The following BCL2A1 variants were observed in gnomAD, a reference collection of about 807,000 sequenced individuals.
The protein encoded by BCL2A1 is bcl-2-related protein A1.
A neutral mutation model predicts 14.4 loss-of-function variants in BCL2A1; 10 were observed. The ratio of observed to expected loss-of-function variants is 0.69; its 90% CI spans 0.43 to 1.18. The LOEUF (loss-of-function observed/expected upper bound fraction) is 1.18. BCL2A1 is among the 50% of genes most tolerant of loss of function. The pLI is 0.00. For missense variants in BCL2A1, 158 were observed against 205.0 expected (o/e 0.77, Z 1.40); for synonymous variants, 71 against 76.5 (o/e 0.93, Z 0.38).
intron 1 of BCL2A1, among the ~76,000 whole-genome samples, chr15:79,962,269 G>C (rs1483705912): frequency 6.6e-6 from 1 of 152,136 alleles, no homozygotes; most frequent in East Asian, 1.9e-4. Context: ...AGCATCACTG[G>C]CAAAGCAGAT....
chr15:79,963,299 T>C (rs2035508396), intron 1 of BCL2A1, among the ~76,000 whole-genome samples: 1 of 152,140 alleles, frequency 6.6e-6, no homozygotes, highest in Non-Finnish European at 1.5e-5. Flanking sequence ...AAAATTTTTT[T>C]AAACTATGAA....
chr15:79,969,083 T>C (rs547413466), intron 1 of BCL2A1, among the ~76,000 whole-genome samples: 2 of 151,806 alleles, frequency 1.3e-5, no homozygotes, highest in African/African-American at 4.8e-5. Context: ...AGTTAATATA[T>C]GAAAAGATGC....
Position 79,960,938 on chromosome 15 carries a change from C to G in BCL2A1, c.*129G>C, listed in dbSNP as rs2035484452. 1.4e-6 allele frequency: 2 copies of G among 1,436,444 alleles called. No individual in the cohort carries two copies. The highest frequency in any genetic ancestry group is 1.9e-6 in the Non-Finnish European group (2 of 1,045,550). The allele number at this position is 1,436,444 out of a possible 1,614,324, so 89.0% of individuals were successfully genotyped here. A position where few individuals can be genotyped will look rare whatever the true frequency, so the allele number is the denominator to read the frequency against. ...TATTCATTACATGGGGACAAAATTT[C>G]CATAACTCTGGAAGGTCAAGTTACA... On this transcript the variant is annotated 3_prime_UTR_variant, in exon 2 of 2. Coordinates refer to ENST00000267953, the MANE Select transcript of BCL2A1 (RefSeq NM_004049.4).
chr15:79,971,005 T>G lies in BCL2A1; in HGVS notation c.115A>C (p.Asn39His). ...GPSKTSRVLQ[N>H]VAFSVQKEVE... is the part of the protein sequence containing the mutation. ...TCTTTTTGGACTGAGAACGCAACATTTTGTAGCACTCTGGACGTTTTGCTT... is the reference window on the plus strand; with the variant it reads ...TCTTTTTGGACTGAGAACGCAACATGTTGTAGCACTCTGGACGTTTTGCTT... Residue 39 changes from asparagine to histidine, a missense_variant, in exon 1 of 2, where the codon AAT becomes CAT. By Grantham distance (68) the Asn-to-His change is moderately conservative. Transcript: ENST00000267953. 6.2e-7 allele frequency: 1 copy of G among 1,614,218 alleles called. No homozygotes were observed. Among genetic ancestry groups the G allele is most frequent in the South Asian group, 1.1e-5 (1 of 91,088 alleles).
At chr15:79,962,322 A>T (rs1230031445) in intron 1 of BCL2A1, among the ~76,000 whole-genome samples, 1 of 152,180 alleles carries the variant, frequency 6.6e-6, no homozygotes, top group African/African-American at 2.4e-5. Flanking sequence ...AGACTGCCTA[A>T]GAAAGCCATT....
In BCL2A1 at chr15:79,970,765, A is replaced by C. The variant is rs150435550; in HGVS notation, c.355T>G (p.Ser119Ala). The C allele has an allele frequency of 1.5e-4, 236 of 1,614,080 alleles. 1 individual carries two copies. Among genetic ancestry groups the C allele is most frequent in the Non-Finnish European group, 1.9e-4 (224 of 1,180,030 alleles). The change falls in exon 1 of 2, where the codon TCA becomes GCA. Residue 119 changes from serine (S) to alanine (A), a missense_variant. Transcript: ENST00000267953. ...APDVDTYKEI[S>A]YFVAEFIMNN... The stretch of plus-strand genomic sequence containing the variant: ...ATTATGAACTCCGCAACAAAATATG[A>C]AATCTCCTTATAGGTATCCACATCC...
chr15:79,968,734 C>A (rs28393756), intron 1 of BCL2A1, among the ~76,000 whole-genome samples: 4,472 of 152,296 alleles, frequency 0.029, 227 homozygotes, highest in African/African-American at 0.1. Context: ...AGTTCGAGAC[C>A]AGCCTGACTA....
At chr15:79,965,895 T>C (rs911373937) in intron 1 of BCL2A1, among the ~76,000 whole-genome samples, 14 of 151,892 alleles carry the variant, frequency 9.2e-5, no homozygotes, top group Admixed American at 3.9e-4. Flanking sequence ...TATACATGTC[T>C]CTGTGTGCCC....
Position 79,970,994 on chromosome 15 carries a change from G to A in BCL2A1, c.126C>T (p.Phe42=), listed in dbSNP as rs2035588086. The change falls in exon 1 of 2, where the codon TTC becomes TTT. Residue 42 remains phenylalanine (F), a synonymous_variant. Transcript: ENST00000267953. ...KTSRVLQNVA[F]SVQKEVEKNL... is the part of the protein sequence containing the mutation. The stretch of plus-strand genomic sequence containing the variant: ...TCTTTTCCACTTCTTTTTGGACTGA[G>A]AACGCAACATTTTGTAGCACTCTGG... 6.2e-7 allele frequency: 1 copy of A among 1,614,088 alleles called. No homozygotes were observed.
chr15:79,966,534 G>C (rs1401669280), intron 1 of BCL2A1, among the ~76,000 whole-genome samples: 1 of 152,170 alleles, frequency 6.6e-6, no homozygotes, highest in Non-Finnish European at 1.5e-5. Context: ...CATTGAAGGG[G>C]GAGGAAGTAA....
In BCL2A1 at chr15:79,970,754, A is replaced by G; in HGVS notation, c.366T>C (p.Val122=). 2 of 1,614,162 alleles carry G rather than the reference A, an allele frequency of 1.2e-6. No individual in the cohort carries two copies. The highest frequency in any genetic ancestry group is 1.7e-6 in the Non-Finnish European group (2 of 1,179,988). ...VDTYKEISYF[V]AEFIMNNTGE... ...CTGTGTTATTCATTATGAACTCCGC[A>G]ACAAAATATGAAATCTCCTTATAGG... Residue 122 remains valine (V), a synonymous_variant, in exon 1 of 2, where the codon GTT becomes GTC. Transcript: ENST00000267953.
At position 79,961,018 on chromosome 15, in the gene BCL2A1, T is replaced by A. The variant is rs1357509572; in HGVS notation, c.*49A>T. On this transcript the variant is annotated 3_prime_UTR_variant, in exon 2 of 2. Transcript: ENST00000267953. ...GTATGTGTTGGCAATCGTTTCCATA[T>A]CAGTCAGAAAAATTAGGCCGGTTTC... 3.7e-6 allele frequency: 6 copies of A among 1,608,224 alleles called. No homozygotes were observed. The African/African-American group carries it at 6.7e-5, about 18-fold the overall frequency.
At chr15:79,968,092 G>A (rs1185918911) in intron 1 of BCL2A1, among the ~76,000 whole-genome samples, 1 of 152,182 alleles carries the variant, frequency 6.6e-6, no homozygotes, top group Non-Finnish European at 1.5e-5. Context: ...AATTCTCAGA[G>A]ACAATTCCAC....
At chr15:79,967,665 G>A (rs745912701) in intron 1 of BCL2A1, 2 of 1,590,276 alleles carry the variant, frequency 1.3e-6, no homozygotes, top group Non-Finnish European at 1.7e-6. Flanking sequence ...GACTCTACCA[G>A]CATAGGTGTG....
chr15:79,970,159 T>C (rs2035580527), intron 1 of BCL2A1, among the ~76,000 whole-genome samples: 1 of 152,124 alleles, frequency 6.6e-6, no homozygotes. Context: ...ATATATTATA[T>C]GTAATGTAAT....
intron 1 of BCL2A1, among the ~76,000 whole-genome samples, chr15:79,968,028 G>A (rs150547597): frequency 2.6e-5 from 4 of 152,126 alleles, no homozygotes; most frequent in Admixed American, 1.3e-4. Flanking sequence ...GGTTCATCCG[G>A]CCACACTCAT....
intron 1 of BCL2A1, among the ~76,000 whole-genome samples, chr15:79,965,673 T>C (rs1489035283): frequency 6.6e-6 from 1 of 152,214 alleles, no homozygotes; most frequent in African/African-American, 2.4e-5. Flanking sequence ...AGCACTTAAG[T>C]GTCATACATT....
At chr15:79,965,500 G>A (rs2035532774) in intron 1 of BCL2A1, among the ~76,000 whole-genome samples, 1 of 152,150 alleles carries the variant, frequency 6.6e-6, no homozygotes, top group African/African-American at 2.4e-5. Context: ...TGGAACCATG[G>A]AGTCTGGCAG....
intron 1 of BCL2A1, among the ~76,000 whole-genome samples, chr15:79,969,258 G>C (rs1181128327): frequency 6.6e-6 from 1 of 152,152 alleles, no homozygotes; most frequent in Admixed American, 6.5e-5. Context: ...ATATCCTAAC[G>C]AGCTGCTGAT....
Sources: allele counts gnomAD v4.1 joint callset (sites outside exome capture counted in the v4.1 genomes callset), GRCh38; gene constraint gnomAD v4.1.1; transcripts MANE v1.5; gene names NCBI Gene and HGNC (gene_info 2026-07-23, HGNC 2026-07-21).